Variants in NDUFAF7 observed in about 807,000 individuals in gnomAD.
NDUFAF7 encodes the protein protein arginine methyltransferase NDUFAF7, mitochondrial.
A neutral mutation model predicts 47.2 loss-of-function variants in NDUFAF7; 48 were observed. The ratio of observed to expected loss-of-function variants is 1.02; its 90% confidence interval spans 0.81 to 1.29. NDUFAF7 has a LOEUF of 1.29. Among genes scored for constraint, NDUFAF7 ranks in the 50% most tolerant of loss-of-function variants. The probability of loss-of-function intolerance (pLI) is 0.00; values close to 1 mark genes in which losing one functional copy is unlikely to be tolerated. For synonymous variants in NDUFAF7, 217 were observed against 190.0 expected (o/e 1.14, Z -1.17); for missense variants, 635 against 537.6 (o/e 1.18, Z -1.79).
At chr2:37,231,811 G>T (rs769604642) in intron 1 of NDUFAF7, 51 bp downstream of exon 1, 4 of 1,611,006 alleles carry the variant, frequency 2.5e-6, no homozygotes, top group Non-Finnish European at 3.4e-6. Context: ...CGCGTGGGGC[G>T]CCTTCCTCAG....
chr2:37,236,322 A>G, intron 3 of NDUFAF7, 146 bp downstream of exon 3: 2 of 731,258 alleles, frequency 2.7e-6, no homozygotes, highest in South Asian at 3.2e-5. Flanking sequence ...CTGAGGGAAT[A>G]GAGAGGCAGT....
chr2:37,241,431 AG>A, intron 4 of NDUFAF7, 146 bp from the exon 5 acceptor site: 1 of 674,706 alleles, frequency 1.5e-6, no homozygotes. Context: ...GGATTCTTAT[AG>A]ACTGCTGGAG....
At chr2:37,256,533 G>T, downstream of NDUFAF7, 2 of 1,205,134 alleles carry the variant, frequency 1.7e-6, no homozygotes, top group Non-Finnish European at 2.2e-6. Context: ...AGTTGAATTT[G>T]GAAGATGAAT....
downstream of NDUFAF7, chr2:37,256,642 T>C: frequency 1.4e-6 from 2 of 1,390,738 alleles, no homozygotes; most frequent in Non-Finnish European, 1.9e-6. Context: ...TTTTTTTTTT[T>C]TTTTTTTTTT....
downstream of NDUFAF7, chr2:37,250,872 A>T (rs1176217468): frequency 6.6e-6 from 1 of 152,668 alleles, no homozygotes; most frequent in African/African-American, 2.4e-5. Flanking sequence ...CGACTTAAAG[A>T]CAAAAAGTTA....
chr2:37,245,970 A>G (rs752911193), intron 7 of NDUFAF7, 82 bp from the exon 8 acceptor site: 123 of 1,465,646 alleles, frequency 8.4e-5, no homozygotes, highest in Non-Finnish European at 1.1e-4. Flanking sequence ...AGAAATGCTC[A>G]TTGAGGAAAA....
At chr2:37,254,741 C>T (rs1252850176), downstream of NDUFAF7, among the ~76,000 whole-genome samples, 3 of 152,186 alleles carry the variant, frequency 2.0e-5, no homozygotes, top group Admixed American at 6.5e-5. Flanking sequence ...CTCCCCACCC[C>T]GCTCCAATGC....
the NDUFAF7 span, among the ~76,000 whole-genome samples, chr2:37,264,594 C>CCTGA: frequency 2.2e-4 from 34 of 152,118 alleles, no homozygotes; most frequent in African/African-American, 7.7e-4. Flanking sequence ...TGGGCAAAAT[C>CCTGA]CTGACGGAGA....
rs1175203835 is a variant in NDUFAF7 at position 37,241,771 on chromosome 2, A to T, written c.602A>T (p.Asp201Val). 12 of 1,613,608 alleles carry T rather than the reference A, an allele frequency of 7.4e-6. No individual in the cohort carries two copies. The highest frequency in any genetic ancestry group is 1.0e-5 in the Non-Finnish European group (12 of 1,179,982). ...GGGATTCCAATTTCCTGGTACCGAG[A>T]TCTGCACGATGTTCCAAAAGGTAAT... ...KSGIPISWYRDLHDVPKGYSF... is the reference protein window; with the variant it reads ...KSGIPISWYRVLHDVPKGYSF... Residue 201 changes from aspartate to valine, a missense_variant, in exon 5 of 10, where the codon GAT (aspartate) becomes GTT (valine). By Grantham distance (152) the Asp-to-Val change is radical. Transcript: ENST00000002125.
At chr2:37,264,013 C>T in the NDUFAF7 span, among the ~76,000 whole-genome samples, 1 of 152,088 alleles carries the variant, frequency 6.6e-6, no homozygotes, top group Non-Finnish European at 1.5e-5. Flanking sequence ...AACACCACAC[C>T]TTTTCTCCCA....
the NDUFAF7 span, among the ~76,000 whole-genome samples, chr2:37,264,385 C>CA: frequency 1.3e-5 from 2 of 151,974 alleles, no homozygotes; most frequent in African/African-American, 4.8e-5. Context: ...CAAAACTTGA[C>CA]AAAGATGCCT....
chr2:37,233,281 T>G (rs1157771643), intron 2 of NDUFAF7, among the ~76,000 whole-genome samples: 3 of 152,164 alleles, frequency 2.0e-5, no homozygotes, highest in Admixed American at 2.0e-4. Flanking sequence ...TTATACATAT[T>G]TTGTTAGCAG....
intron 7 of NDUFAF7, 85 bp from the exon 8 acceptor site, chr2:37,245,967 C>G: frequency 1.4e-6 from 2 of 1,418,914 alleles, no homozygotes; most frequent in Non-Finnish European, 9.8e-7. Flanking sequence ...CTAAGAAATG[C>G]TCATTGAGGA....
chr2:37,243,817 G>C, intron 6 of NDUFAF7, 46 bp from the exon 7 acceptor site: 1 of 1,461,444 alleles, frequency 6.8e-7, no homozygotes, highest in Admixed American at 1.7e-5. Context: ...GCAATGTAGA[G>C]AACAAACTTG....
chr2:37,248,590 G>A lies in NDUFAF7; in HGVS notation c.*240G>A. 3.8e-6 allele frequency: 2 copies of A among 522,036 alleles called. No individual in the cohort carries two copies. The highest frequency in any genetic ancestry group is 6.9e-6 in the Non-Finnish European group (2 of 290,526). 32.3% of individuals were successfully genotyped at this position (522,036 alleles called of 1,614,324 possible). A position where few individuals can be genotyped will look rare whatever the true frequency, so the allele number is the denominator to read the frequency against. On this transcript the variant is annotated 3_prime_UTR_variant, in exon 10 of 10. Transcript: ENST00000002125. ...AACTGAGTTTCCTTTAACTTACAAA[G>A]CTAGTTGCCATATTTCTATTTTATT...
the NDUFAF7 span, chr2:37,269,743 A>G: frequency 8.0e-7 from 1 of 1,246,672 alleles, no homozygotes; most frequent in Non-Finnish European, 1.1e-6. Flanking sequence ...CAATGTCAAC[A>G]TCTCTGACTT....
At chr2:37,261,914 GTTT>G in the NDUFAF7 span, among the ~76,000 whole-genome samples, 3 of 151,624 alleles carry the variant, frequency 2.0e-5, no homozygotes, top group African/African-American at 7.3e-5. Context: ...CAACCATTCC[GTTT>G]TTTTGAGTAT....
At chr2:37,233,118 C>A (rs1253549066) in intron 2 of NDUFAF7, among the ~76,000 whole-genome samples, 1 of 152,084 alleles carries the variant, frequency 6.6e-6, no homozygotes, top group Non-Finnish European at 1.5e-5. Context: ...CAGGATTTGC[C>A]GATGGATTGA....
intron 4 of NDUFAF7, among the ~76,000 whole-genome samples, chr2:37,239,627 G>C (rs1345212892): frequency 6.6e-6 from 1 of 152,176 alleles, no homozygotes; most frequent in Non-Finnish European, 1.5e-5. Context: ...AAATGAATCA[G>C]TTAATTGTGG....
Sources: gnomAD v4.1 joint callset for allele counts (sites outside exome capture counted in the v4.1 genomes callset) on GRCh38, gnomAD v4.1.1 for gene constraint, MANE v1.5 for transcripts, NCBI Gene and HGNC (gene_info 2026-07-23, HGNC 2026-07-21) for gene names.